The following UGT1A8 variants were observed in gnomAD, a reference collection of about 807,000 sequenced individuals.
UGT1A8 encodes UDP-glucuronosyltransferase 1A8.
A neutral mutation model predicts 45.3 loss-of-function variants in UGT1A8; 39 were observed. The ratio of observed to expected loss-of-function variants is 0.86; its 90% CI spans 0.67 to 1.12. The LOEUF (loss-of-function observed/expected upper bound fraction) is 1.12. Ranked by LOEUF, UGT1A8 falls within the 50% of genes most tolerant of loss-of-function variation. The pLI, the probability that UGT1A8 is intolerant of heterozygous loss-of-function variation, is 0.00. For missense variants in UGT1A8, 719 were observed against 664.9 expected (o/e 1.08, Z -0.90); for synonymous variants, 275 against 249.2 (o/e 1.10, Z -0.97).
intron 1 of UGT1A8, among the ~76,000 whole-genome samples, chr2:233,653,411 T>C (rs2125478977): frequency 6.6e-6 from 1 of 152,258 alleles, no homozygotes; most frequent in Middle Eastern, 3.4e-3. Flanking sequence ...AAGTAATAGG[T>C]TAAAAAAGGA....
chr2:233,621,172 G>A (rs543651292), intron 1 of UGT1A8, among the ~76,000 whole-genome samples: 1 of 152,092 alleles, frequency 6.6e-6, no homozygotes, highest in Non-Finnish European at 1.5e-5. Flanking sequence ...ATTTGGAGGG[G>A]ATAAACTTTT....
chr2:233,746,887 A>T (rs765200684), intron 1 of UGT1A8, among the ~76,000 whole-genome samples: 2 of 151,818 alleles, frequency 1.3e-5, no homozygotes, highest in African/African-American at 2.4e-5. Flanking sequence ...ACAGAGAAGT[A>T]GGAGGCTGTG....
intron 1 of UGT1A8, among the ~76,000 whole-genome samples, chr2:233,664,852 GT>G: frequency 6.6e-6 from 1 of 152,180 alleles, no homozygotes; most frequent in Admixed American, 6.5e-5. Flanking sequence ...TTTTTTTCCA[GT>G]TTCATGAATC....
intron 1 of UGT1A8, chr2:233,747,078 AG>A: frequency 1.8e-6 from 2 of 1,085,946 alleles, no homozygotes; most frequent in Non-Finnish European, 2.6e-6. Context: ...ATAATTAACT[AG>A]GAGGAGAGCA....
At chr2:233,765,155 C>T (rs1463454696) in intron 1 of UGT1A8, among the ~76,000 whole-genome samples, 1 of 152,176 alleles carries the variant, frequency 6.6e-6, no homozygotes, top group East Asian at 1.9e-4. Flanking sequence ...TCCTAGGGAA[C>T]CCCTCAGTTT....
At chr2:233,766,543 C>T (rs1171060177) in intron 1 of UGT1A8, among the ~76,000 whole-genome samples, 8 of 152,170 alleles carry the variant, frequency 5.3e-5, no homozygotes, top group Admixed American at 5.2e-4. Flanking sequence ...AACAAAAATG[C>T]CTGTCCTCAC....
intron 1 of UGT1A8, among the ~76,000 whole-genome samples, chr2:233,687,583 TAAA>T (rs71398794): frequency 1.5e-3 from 166 of 107,426 alleles, no homozygotes; most frequent in South Asian, 6.1e-3. Context: ...ACATTCTTTG[TAAA>T]AAAAAAAAAA....
intron 1 of UGT1A8, among the ~76,000 whole-genome samples, chr2:233,634,007 T>C (rs2073235318): frequency 6.6e-6 from 1 of 152,234 alleles, no homozygotes; most frequent in Admixed American, 6.5e-5. Flanking sequence ...TGGTAGGTTG[T>C]GTCTTTGTTC....
intron 1 of UGT1A8, chr2:233,743,937 C>G (rs1692597235): frequency 7.4e-7 from 1 of 1,355,896 alleles, no homozygotes; most frequent in Non-Finnish European, 9.9e-7. Context: ...CAGAACGGCC[C>G]ACCAGGCACT....
chr2:233,724,954 C>G lies in UGT1A8; in HGVS notation c.856-42080C>G, dbSNP rs544768388. ...GACTCCGTCTGCAATCCCGGCACCT[C>G]GGGAGGCCGAGGTTGGCGGATCACT... On this transcript the variant is annotated intron_variant, in intron 1 of 4. Coordinates refer to ENST00000373450, the MANE Select transcript of UGT1A8 (RefSeq NM_019076.5). 1.4e-5 allele frequency among the ~76,000 whole-genome samples: 2 copies of G among 143,932 alleles called. 1 individual carries two copies. Among genetic ancestry groups the G allele is most frequent in the East Asian group, 4.2e-4 (2 of 4,760 alleles). 94.4% of individuals were successfully genotyped at this position (143,932 alleles called of 152,430 possible).
In UGT1A8 at chr2:233,672,149, G is replaced by A. The variant is rs780369746; in HGVS notation, c.855+53587G>A. The A allele has an allele frequency of 2.3e-5, 37 of 1,614,088 alleles. No individual in the cohort carries two copies. The East Asian group carries it at 8.0e-4, about 35-fold the overall frequency. On this transcript the variant is annotated intron_variant, in intron 1 of 4. Transcript: ENST00000373450. ...TGGCAACTGGGAAGATCACTGAATTGCACAGTGAAGACTTATTCAACTTCA... is the reference window on the plus strand; with the variant it reads ...TGGCAACTGGGAAGATCACTGAATTACACAGTGAAGACTTATTCAACTTCA...
chr2:233,720,855 G>A (rs1361240386), intron 1 of UGT1A8, among the ~76,000 whole-genome samples: 4 of 149,664 alleles, frequency 2.7e-5, no homozygotes, highest in Non-Finnish European at 5.9e-5. Flanking sequence ...GCAGGCATGT[G>A]CCACTGCTCC....
intron 1 of UGT1A8, chr2:233,743,352 C>T (rs987483436): frequency 9.4e-6 from 9 of 961,748 alleles, no homozygotes; most frequent in African/African-American, 1.7e-5. Context: ...TCGACATGGA[C>T]TTGAAGCTGC....
intron 1 of UGT1A8, among the ~76,000 whole-genome samples, chr2:233,683,303 T>C (rs779874112): frequency 2.6e-5 from 4 of 152,174 alleles, no homozygotes; most frequent in Non-Finnish European, 1.5e-5. Context: ...TACAGGTCAA[T>C]GCATACAGAT....
chr2:233,723,946 G>C (rs1413540924), intron 1 of UGT1A8, among the ~76,000 whole-genome samples: 2 of 53,094 alleles, frequency 3.8e-5, no homozygotes, highest in Non-Finnish European at 6.6e-5. Flanking sequence ...ACACAGACAC[G>C]GCAACCATCC....
At chr2:233,672,020 T>A (rs763118975) in intron 1 of UGT1A8, 1 of 1,614,156 alleles carries the variant, frequency 6.2e-7, no homozygotes, top group East Asian at 2.2e-5. Context: ...GGGAAGCTAC[T>A]GGTAGTGCCC....
intron 1 of UGT1A8, among the ~76,000 whole-genome samples, chr2:233,621,937 G>A (rs1333944703): frequency 6.6e-6 from 1 of 151,998 alleles, no homozygotes; most frequent in African/African-American, 2.4e-5. Flanking sequence ...GTATCCATGA[G>A]TTCTCATTGT....
intron 1 of UGT1A8, among the ~76,000 whole-genome samples, chr2:233,665,162 A>G (rs1311922688): frequency 6.6e-6 from 1 of 152,204 alleles, no homozygotes; most frequent in Non-Finnish European, 1.5e-5. Context: ...TCATTTGCCA[A>G]TAAATTATAG....
At chr2:233,752,907 C>T (rs1171888690) in intron 1 of UGT1A8, among the ~76,000 whole-genome samples, 1 of 152,232 alleles carries the variant, frequency 6.6e-6, no homozygotes, top group East Asian at 1.9e-4. Flanking sequence ...ACAGATCCAC[C>T]TCTGAGTGAC....
Sources: allele counts gnomAD v4.1 joint callset (sites outside exome capture counted in the v4.1 genomes callset), GRCh38; gene constraint gnomAD v4.1.1; transcripts MANE v1.5; gene names NCBI Gene and HGNC (gene_info 2026-07-23, HGNC 2026-07-21).